Variants in MAPRE2 observed in about 807,000 individuals in gnomAD.
The protein encoded by MAPRE2 is microtubule-associated protein RP/EB family member 2.
In MAPRE2, 13 loss-of-function variants were observed where a neutral mutation model predicts 43.2. The ratio of observed to expected loss-of-function variants is 0.30; its 90% CI spans 0.20 to 0.48. The LOEUF is 0.48. Among genes scored for constraint, MAPRE2 ranks in the 20% least tolerant of loss-of-function variants. The probability of loss-of-function intolerance (pLI) is 0.99; values close to 1 mark genes in which losing one functional copy is unlikely to be tolerated. For missense variants in MAPRE2, 161 were observed against 400.2 expected, an observed-to-expected ratio of 0.40 and a Z score of 5.10; for synonymous variants, 135 against 148.8, an observed-to-expected ratio of 0.91 and a Z score of 0.68.
intron 1 of MAPRE2, among the ~76,000 whole-genome samples, chr18:35,057,290 C>G (rs1378738863): frequency 1.3e-5 from 2 of 152,194 alleles, no homozygotes; most frequent in African/African-American, 2.4e-5. Context: ...GCTAGTATTA[C>G]AGGCATGAGC....
intron 1 of MAPRE2, among the ~76,000 whole-genome samples, chr18:34,998,711 A>G (rs940481158): frequency 6.7e-6 from 1 of 148,174 alleles, no homozygotes; most frequent in African/African-American, 2.5e-5. Context: ...GATCTGTCCA[A>G]CTTGGCCTCT....
intron 1 of MAPRE2, chr18:34,978,480 C>A: frequency 6.5e-7 from 1 of 1,548,566 alleles, no homozygotes; most frequent in Non-Finnish European, 8.7e-7. Context: ...AATCTGAGGA[C>A]CCGCGATTTA....
chr18:35,007,176 T>G (rs2097032225), intron 2 of MAPRE2, among the ~76,000 whole-genome samples: 1 of 152,192 alleles, frequency 6.6e-6, no homozygotes, highest in South Asian at 2.1e-4. Flanking sequence ...AAACTGATCT[T>G]GTACTGCTAG....
chr18:35,055,674 C>A (rs897799906), intron 1 of MAPRE2, among the ~76,000 whole-genome samples: 1 of 151,968 alleles, frequency 6.6e-6, no homozygotes, highest in Non-Finnish European at 1.5e-5. Flanking sequence ...TGTTTAGGGC[C>A]AGATGTGGTG....
intron 2 of MAPRE2, among the ~76,000 whole-genome samples, chr18:35,022,774 A>G (rs1388463267): frequency 2.0e-5 from 3 of 152,226 alleles, no homozygotes; most frequent in Non-Finnish European, 1.5e-5. Context: ...AGAAAACACA[A>G]TGAGAAAACC....
intron 1 of MAPRE2, among the ~76,000 whole-genome samples, chr18:35,069,704 C>T (rs1373795359): frequency 6.6e-6 from 1 of 152,028 alleles, no homozygotes; most frequent in East Asian, 1.9e-4. Flanking sequence ...ATTCCACAAA[C>T]TAGGTAAAAT....
chr18:35,122,484 A>G (rs1040241888), intron 4 of MAPRE2, among the ~76,000 whole-genome samples: 2 of 152,150 alleles, frequency 1.3e-5, no homozygotes, highest in Non-Finnish European at 1.5e-5. Flanking sequence ...TTTTCCTGTT[A>G]TCAGTTTTTC....
At chr18:35,107,038 G>T (rs191706872) in intron 4 of MAPRE2, among the ~76,000 whole-genome samples, 162 of 152,246 alleles carry the variant, frequency 1.1e-3, no homozygotes, top group African/African-American at 3.6e-3. Flanking sequence ...CTATAGCAAC[G>T]ACAGCTAAGA....
intron 1 of MAPRE2, among the ~76,000 whole-genome samples, chr18:35,064,033 A>AT (rs1906705806): frequency 7.2e-6 from 1 of 139,436 alleles, no homozygotes; most frequent in African/African-American, 2.8e-5. Flanking sequence ...AAAAAAAAAA[A>AT]TCTGGCCAAC....
chr18:35,029,251 A>G (rs775757351), intron 2 of MAPRE2, among the ~76,000 whole-genome samples: 37 of 152,150 alleles, frequency 2.4e-4, no homozygotes, highest in Non-Finnish European at 3.7e-4. Context: ...TATTTGGATG[A>G]GGTCAGAAAA....
At chr18:35,097,218 G>A (rs1041348628) in intron 2 of MAPRE2, among the ~76,000 whole-genome samples, 7 of 152,168 alleles carry the variant, frequency 4.6e-5, no homozygotes, top group Non-Finnish European at 7.4e-5. Flanking sequence ...TACAATACAC[G>A]GAGTTTAGGG....
chr18:35,126,155 C>T (rs1011434448), intron 4 of MAPRE2, among the ~76,000 whole-genome samples: 1 of 152,118 alleles, frequency 6.6e-6, no homozygotes, highest in Non-Finnish European at 1.5e-5. Context: ...CCCTGTCTTC[C>T]AGCCCATCTC....
chr18:35,109,437 C>T (rs1002441784), intron 4 of MAPRE2, among the ~76,000 whole-genome samples: 9 of 152,260 alleles, frequency 5.9e-5, no homozygotes, highest in African/African-American at 1.9e-4. Context: ...CTTGGCTATA[C>T]AGGGTCTTCT....
chr18:35,031,428 C>A lies in MAPRE2; in HGVS notation c.-8+25875C>A, dbSNP rs561651559. ...TATCACATTGTATTTTTATGGAAAA[C>A]ACATTTAAAGCTCTTAAATTTAGCC... On this transcript the variant is annotated intron_variant, in intron 2 of 7. Coordinates refer to the MAPRE2 transcript ENST00000413393. 2.0e-4 allele frequency among the ~76,000 whole-genome samples: 30 copies of A among 152,258 alleles called. No individual in the cohort carries two copies. The South Asian group carries it at 6.2e-3, about 32-fold the overall frequency.
At chr18:35,049,013 G>A (rs926250903) in intron 1 of MAPRE2, among the ~76,000 whole-genome samples, 4 of 152,036 alleles carry the variant, frequency 2.6e-5, no homozygotes, top group African/African-American at 9.7e-5. Context: ...AGATTTCTGT[G>A]ATCCTATTTC....
At chr18:35,030,755 C>G (rs1367375137) in intron 2 of MAPRE2, among the ~76,000 whole-genome samples, 2 of 151,792 alleles carry the variant, frequency 1.3e-5, no homozygotes, top group Non-Finnish European at 2.9e-5. Context: ...TTTAAAAGCC[C>G]TGCACATTCT....
At chr18:35,098,029 A>C (rs1908505304) in intron 3 of MAPRE2, among the ~76,000 whole-genome samples, 1 of 152,184 alleles carries the variant, frequency 6.6e-6, no homozygotes, top group Non-Finnish European at 1.5e-5. Flanking sequence ...AATGGGACTA[A>C]AAACCCCTTA....
At chr18:35,134,875 A>G (rs1289418770) in intron 6 of MAPRE2, among the ~76,000 whole-genome samples, 1 of 152,180 alleles carries the variant, frequency 6.6e-6, no homozygotes, top group Non-Finnish European at 1.5e-5. Context: ...TTGTTGTTGT[A>G]TCTCTGGCAC....
intron 4 of MAPRE2, among the ~76,000 whole-genome samples, chr18:35,104,789 G>A (rs1325884277): frequency 6.6e-6 from 1 of 152,024 alleles, no homozygotes; most frequent in East Asian, 1.9e-4. Context: ...GGGATGTTGT[G>A]CCCTCTCCAA....
Sources: gnomAD v4.1 joint callset for allele counts (sites outside exome capture counted in the v4.1 genomes callset) on GRCh38, gnomAD v4.1.1 for gene constraint, MANE v1.5 for transcripts, NCBI Gene and HGNC (gene_info 2026-07-23, HGNC 2026-07-21) for gene names.